Variants in PIAS1 observed in about 807,000 individuals in gnomAD.
The protein encoded by PIAS1 is E3 SUMO-protein ligase PIAS1.
PIAS1 carries 6 observed loss-of-function variants against 71.3 expected under a neutral mutation model. The ratio of observed to expected loss-of-function variants is 0.08; its 90% CI spans 0.05 to 0.17. The LOEUF (loss-of-function observed/expected upper bound fraction) is 0.17. Among genes scored for constraint, PIAS1 ranks in the 10% least tolerant of loss-of-function variants. The pLI is 1.00. For missense variants in PIAS1, 555 were observed against 793.6 expected (o/e 0.70, Z 3.61); for synonymous variants, 303 against 292.9 (o/e 1.03, Z -0.35).
Position 68,128,715 on chromosome 15 carries a change from G to A in PIAS1, c.470-13231G>A, listed in dbSNP as rs2141028779. Among the ~76,000 whole-genome samples, 4 of 152,254 alleles carry A rather than the reference G, an allele frequency of 2.6e-5. No individual in the cohort carries two copies. The Middle Eastern group carries it at 0.014, about 518-fold the overall frequency. On this transcript the variant is annotated intron_variant, in intron 2 of 13. Transcript: ENST00000249636. ...CTTTCTCAGTGGTATTAGGAATTGA[G>A]AATGAGTTTCTCTGAAGGGTCTGTT...
At chr15:68,118,271 A>G (rs2092582295) in intron 2 of PIAS1, among the ~76,000 whole-genome samples, 1 of 151,914 alleles carries the variant, frequency 6.6e-6, no homozygotes, top group Admixed American at 6.6e-5. Context: ...CAGTGAGCCA[A>G]GATTGCGCCA....
At chr15:68,076,288 A>G (rs1348938352) in intron 1 of PIAS1, among the ~76,000 whole-genome samples, 1 of 152,026 alleles carries the variant, frequency 6.6e-6, no homozygotes, top group Non-Finnish European at 1.5e-5. Flanking sequence ...AGGTGGGTGG[A>G]TCATGTCAGG....
At chr15:68,090,367 T>C (rs951112502) in intron 2 of PIAS1, among the ~76,000 whole-genome samples, 1 of 151,864 alleles carries the variant, frequency 6.6e-6, no homozygotes, top group Non-Finnish European at 1.5e-5. Flanking sequence ...CACACCTGGC[T>C]GATTTTTGTT....
intron 7 of PIAS1, among the ~76,000 whole-genome samples, chr15:68,158,126 A>AT (rs1178060263): frequency 2.0e-5 from 3 of 152,200 alleles, no homozygotes; most frequent in African/African-American, 7.2e-5. Flanking sequence ...CACCAAGGGA[A>AT]TAAAAACTCC....
intron 6 of PIAS1, among the ~76,000 whole-genome samples, chr15:68,148,489 C>T (rs2092823349): frequency 6.6e-6 from 1 of 152,120 alleles, no homozygotes; most frequent in Non-Finnish European, 1.5e-5. Flanking sequence ...AGTACAGTGG[C>T]ACAATCTCGG....
chr15:68,086,446 G>A lies in PIAS1; in HGVS notation c.165G>A (p.Met55Ile), dbSNP rs752273357. Residue 55 changes from methionine to isoleucine, a missense_variant, in exon 2 of 14, where the codon ATG becomes ATA. By Grantham distance (10) the Met-to-Ile change is conservative. This residue lies in a region of PIAS1 where 48 missense variants were observed against 86.6 expected (regional missense o/e 0.55). Coordinates refer to ENST00000249636, the MANE Select transcript of PIAS1 (RefSeq NM_016166.3). This position sits in a 1 kb window ranked among gnomAD's most constrained non-coding sequence, Gnocchi z 7.2. ...LKAGCSPAVQ[M>I]KIKELYRRRF... is the part of the protein sequence containing the mutation. The stretch of plus-strand genomic sequence containing the variant: ...CTGGCTGTAGTCCTGCTGTGCAAAT[G>A]AAAATTAAGGAACTCTATAGGCGGC... 2.2e-5 allele frequency: 36 copies of A among 1,613,804 alleles called. No homozygotes were observed. Among genetic ancestry groups the A allele is most frequent in the Non-Finnish European group, 3.0e-5 (35 of 1,179,884 alleles).
At chr15:68,101,980 C>T (rs1291921753) in intron 2 of PIAS1, among the ~76,000 whole-genome samples, 1 of 152,182 alleles carries the variant, frequency 6.6e-6, no homozygotes, top group East Asian at 1.9e-4. Flanking sequence ...AAGTGATCCT[C>T]CCACCCCAGC....
intron 1 of PIAS1, among the ~76,000 whole-genome samples, chr15:68,069,834 C>G (rs1456766147): frequency 1.3e-5 from 2 of 150,332 alleles, no homozygotes; most frequent in African/African-American, 4.9e-5. Context: ...AAATTACATT[C>G]TAGTACTCCT....
chr15:68,061,143 C>T (rs952908659), intron 1 of PIAS1, among the ~76,000 whole-genome samples: 2 of 152,198 alleles, frequency 1.3e-5, no homozygotes, highest in African/African-American at 2.4e-5. Context: ...TGAAATTGAT[C>T]GTACTCTAAA....
chr15:68,076,228 A>G (rs2092162239), intron 1 of PIAS1, among the ~76,000 whole-genome samples: 2 of 152,164 alleles, frequency 1.3e-5, no homozygotes, highest in East Asian at 1.9e-4. Context: ...TAGGGGAATC[A>G]GGCTGGGCGC....
At chr15:68,055,488 G>A (rs1257084861) in intron 1 of PIAS1, among the ~76,000 whole-genome samples, 1 of 152,098 alleles carries the variant, frequency 6.6e-6, no homozygotes, top group Non-Finnish European at 1.5e-5. Flanking sequence ...TACACAAGCA[G>A]TTGGGGGAGG....
chr15:68,064,829 A>G (rs1209728031), intron 1 of PIAS1, among the ~76,000 whole-genome samples: 1 of 152,238 alleles, frequency 6.6e-6, no homozygotes, highest in African/African-American at 2.4e-5. Context: ...AGATTTGCAA[A>G]AATGTAAAAC....
chr15:68,092,142 G>C (rs575818149), intron 2 of PIAS1, among the ~76,000 whole-genome samples: 1 of 152,152 alleles, frequency 6.6e-6, no homozygotes, highest in Non-Finnish European at 1.5e-5. Flanking sequence ...TTGGTATGAG[G>C]CATAATAATT....
In PIAS1 at chr15:68,100,675, G is replaced by T. The variant is rs1367187544; in HGVS notation, c.469+13925G>T. On this transcript the variant is annotated intron_variant, in intron 2 of 13. Coordinates refer to ENST00000249636, the MANE Select transcript of PIAS1 (RefSeq NM_016166.3). ...TTATATCTCTGGTAAATGCCCAAGG[G>T]TTATCAGTTGCTGGGCTGTATGGTA... is the stretch of plus-strand genomic sequence containing the variant. 2.0e-5 allele frequency among the ~76,000 whole-genome samples: 3 copies of T among 152,070 alleles called. No individual in the cohort carries two copies. The East Asian group carries it at 5.8e-4, about 29-fold the overall frequency.
chr15:68,146,309 G>A (rs1402587109), intron 5 of PIAS1, among the ~76,000 whole-genome samples: 1 of 152,064 alleles, frequency 6.6e-6, no homozygotes, highest in Non-Finnish European at 1.5e-5. Context: ...AGCTTGTTAT[G>A]AATTCATCCT....
intron 2 of PIAS1, among the ~76,000 whole-genome samples, chr15:68,138,495 A>G (rs1179278154): frequency 6.6e-6 from 1 of 152,114 alleles, no homozygotes; most frequent in Non-Finnish European, 1.5e-5. Flanking sequence ...AATGAATGAG[A>G]CGGAGTTTCA....
rs1455321423 is a variant in PIAS1 at position 68,188,336 on chromosome 15, G to C, written c.*501G>C. The stretch of plus-strand genomic sequence containing the variant: ...CGACAGACTTGGATTCTGTTTGTGT[G>C]TGCATATTTTATCCAGCCTTAAGTT... On this transcript the variant is annotated 3_prime_UTR_variant, in exon 14 of 14. Coordinates refer to ENST00000249636, the MANE Select transcript of PIAS1 (RefSeq NM_016166.3). 2 of 156,902 alleles carry C rather than the reference G, an allele frequency of 1.3e-5. No homozygotes were observed. Among genetic ancestry groups the C allele is most frequent in the Non-Finnish European group, 2.8e-5 (2 of 70,838 alleles). The allele number at this position is 156,902 out of a possible 1,614,324, so 9.7% of individuals were successfully genotyped here.
At chr15:68,062,607 A>G (rs1238539406) in intron 1 of PIAS1, among the ~76,000 whole-genome samples, 2 of 152,204 alleles carry the variant, frequency 1.3e-5, no homozygotes, top group Non-Finnish European at 2.9e-5. Flanking sequence ...TGGGCATTTA[A>G]TATAAATGGA....
chr15:68,183,614 A>G lies in PIAS1; in HGVS notation c.1625-16A>G, dbSNP rs1302812180. The G allele has an allele frequency of 1.0e-5, 11 of 1,073,912 alleles. No individual in the cohort carries two copies. In the South Asian group the frequency reaches 1.3e-4, roughly 13 times the overall value. 66.5% of individuals were successfully genotyped at this position (1,073,912 alleles called of 1,614,324 possible). ...CTTCTTTTTTTTTTAAACTGAAATA[A>G]TTTTTTCTTCCACAGGATTAGATTT... On this transcript the variant is annotated splice_polypyrimidine_tract_variant and intron_variant, in intron 12 of 13. Transcript: ENST00000249636.
Sources: allele counts gnomAD v4.1 joint callset (sites outside exome capture counted in the v4.1 genomes callset), GRCh38; gene constraint gnomAD v4.1.1; regional missense constraint gnomAD v4.1.1; non-coding constraint Gnocchi (gnomAD v3.1); transcripts MANE v1.5; gene names NCBI Gene and HGNC (gene_info 2026-07-23, HGNC 2026-07-21).